The following TMEM182 variants were observed in gnomAD, a reference collection of about 807,000 sequenced individuals.
TMEM182 encodes transmembrane protein 182.
A neutral mutation model predicts 26.8 loss-of-function variants in TMEM182; 20 were observed. The observed-to-expected ratio is 0.75, with a 90% CI of 0.53 to 1.09. TMEM182 has a LOEUF of 1.09. Ranked by LOEUF, TMEM182 falls within the 50% of genes least tolerant of loss-of-function variation. The probability of loss-of-function intolerance (pLI) is 0.00; values close to 1 mark genes in which losing one functional copy is unlikely to be tolerated. For synonymous variants in TMEM182, 109 were observed against 102.2 expected (o/e 1.07, Z -0.40); for missense variants, 277 against 275.5 (o/e 1.01, Z -0.04).
At chr2:102,842,229 A>G (rs1245184235) in intron 3 of TMEM182, among the ~76,000 whole-genome samples, 2 of 152,046 alleles carry the variant, frequency 1.3e-5, no homozygotes, top group Non-Finnish European at 2.9e-5. Context: ...ATGCAGAATT[A>G]TTATCTGTAT....
At chr2:102,797,732 G>A (rs924200594) in intron 3 of TMEM182, 131 bp from the exon 4 acceptor site, 3 of 1,101,394 alleles carry the variant, frequency 2.7e-6, no homozygotes, top group South Asian at 1.7e-5. Flanking sequence ...CCCATCCCTG[G>A]CATTCTATCT....
chr2:102,764,400 A>C lies in TMEM182; in HGVS notation c.304A>C (p.Asn102His). Residue 102 changes from asparagine (N) to histidine (H), a missense_variant, in exon 3 of 5, where the codon AAC becomes CAC. Physicochemically the swap from Asn to His is moderately conservative, Grantham distance 68. Transcript: ENST00000412401. ...SPYPFMRGEH[N>H]STSYDSAVIY... ...GTACCCCTTCATGAGAGGCGAGCAC[A>C]ACTCGACCTCCTATGACTCTGCAGT... 3 of 1,613,904 alleles carry C rather than the reference A, an allele frequency of 1.9e-6. No homozygotes were observed. The highest frequency in any genetic ancestry group is 1.7e-5 in the Admixed American group (1 of 59,998).
chr2:102,822,017 A>G (rs1219144799), downstream of TMEM182, among the ~76,000 whole-genome samples: 3 of 151,904 alleles, frequency 2.0e-5, no homozygotes, highest in Non-Finnish European at 1.5e-5. Flanking sequence ...AACACTTAAG[A>G]TAAATGTTTA....
intron 3 of TMEM182, among the ~76,000 whole-genome samples, chr2:102,774,859 T>C (rs1272257770): frequency 1.3e-5 from 2 of 152,226 alleles, no homozygotes; most frequent in African/African-American, 4.8e-5. Context: ...ATTATTTATC[T>C]ATCTAGTAAA....
Position 102,762,042 on chromosome 2 carries a change from TG to T in TMEM182, c.-172del, listed in dbSNP as rs1680231147. ...AGCAAAGGGAATATGAATCTGCCGG[TG>T]GGGCGTGAGCGAGAAGCCACCAAAA... On this transcript the variant is annotated 5_prime_UTR_variant, in exon 1 of 5. Transcript: ENST00000412401. The T allele has an allele frequency of 3.8e-6, 2 of 531,144 alleles. No individual in the cohort carries two copies. Among genetic ancestry groups the T allele is most frequent in the Admixed American group, 3.3e-5 (1 of 29,870 alleles). The allele number at this position is 531,144 out of a possible 1,614,324, so 32.9% of individuals were successfully genotyped here.
chr2:102,752,090 C>A (rs1173610427), intron 1 of TMEM182, among the ~76,000 whole-genome samples: 1 of 152,156 alleles, frequency 6.6e-6, no homozygotes, highest in Middle Eastern at 3.2e-3. Context: ...GGGCAACATA[C>A]GAATTTTAGA....
rs1324437143 is a variant in TMEM182, at chr2:102,815,081, C to T, written c.*113C>T. 6.8e-7 allele frequency: 1 copy of T among 1,460,318 alleles called. No homozygotes were observed. The highest frequency in any genetic ancestry group is 1.5e-5 in the South Asian group (1 of 67,426). The allele number at this position is 1,460,318 out of a possible 1,614,324, so 90.5% of individuals were successfully genotyped here. On this transcript the variant is annotated 3_prime_UTR_variant, in exon 5 of 5. Transcript: ENST00000412401. ...GTTAGTAGATATAACTTTTTAGTTG[C>T]TATTCAAATTAATCATTTTACTAAA...
Position 102,816,548 on chromosome 2 carries a change from A to AT in TMEM182, c.*1580_*1581insT. The AT allele has an allele frequency of 1.0e-6, 1 of 973,764 alleles. No homozygotes were observed. Among genetic ancestry groups the AT allele is most frequent in the Non-Finnish European group, 1.2e-6 (1 of 820,742 alleles). The allele number at this position is 973,764 out of a possible 1,614,324, so 60.3% of individuals were successfully genotyped here. A position where few individuals can be genotyped will look rare whatever the true frequency, so the allele number is the denominator to read the frequency against. On this transcript the variant is annotated 3_prime_UTR_variant, in exon 5 of 5. Coordinates refer to ENST00000412401, the MANE Select transcript of TMEM182 (RefSeq NM_144632.5). ...AATAATAATAATAATAATAATAATA[A>AT]AGCTCCAGAGGCCTAACTGGTTTCT...
In TMEM182 at chr2:102,782,574, A is replaced by G. The variant is rs149070197; in HGVS notation, c.332-15289A>G. On this transcript the variant is annotated intron_variant, in intron 3 of 4. Transcript: ENST00000412401. ...CACTACCTCATAGTAGTACATCAGG[A>G]CTACTTGAAAGCCAAGGATTTCATC... Among the ~76,000 whole-genome samples the G allele has an allele frequency of 3.5e-3, 526 of 152,228 alleles. 5 individuals carry two copies. The highest frequency in any genetic ancestry group is 0.012 in the African/African-American group (498 of 41,550).
At chr2:102,775,478 A>C (rs1329738617) in intron 3 of TMEM182, 18 of 152,290 alleles carry the variant, frequency 1.2e-4, no homozygotes, top group South Asian at 4.1e-4. Flanking sequence ...AAAACTGGCA[A>C]AAGACAGGGA....
intron 3 of TMEM182, among the ~76,000 whole-genome samples, chr2:102,765,758 G>GTGCT (rs1362904041): frequency 6.6e-6 from 1 of 152,064 alleles, no homozygotes; most frequent in African/African-American, 2.4e-5. Flanking sequence ...ACCCACAGCT[G>GTGCT]TGCTTGTCCA....
upstream of TMEM182, among the ~76,000 whole-genome samples, chr2:102,759,163 T>C (rs1481254778): frequency 6.6e-6 from 1 of 152,208 alleles, no homozygotes; most frequent in African/African-American, 2.4e-5. Flanking sequence ...TACTTTTATA[T>C]ATGCATGTGT....
intron 4 of TMEM182, among the ~76,000 whole-genome samples, chr2:102,799,786 G>C (rs755228735): frequency 1.3e-5 from 2 of 152,192 alleles, no homozygotes; most frequent in Non-Finnish European, 2.9e-5. Flanking sequence ...TGGAGGGAGA[G>C]TTAGAGTAAT....
At chr2:102,824,837 A>G (rs1009989915) in intron 3 of TMEM182, among the ~76,000 whole-genome samples, 2 of 152,028 alleles carry the variant, frequency 1.3e-5, no homozygotes, top group Non-Finnish European at 2.9e-5. Flanking sequence ...AAACAAAACA[A>G]AACAAAAAAA....
intron 3 of TMEM182, among the ~76,000 whole-genome samples, chr2:102,784,373 A>G (rs1433793109): frequency 6.7e-6 from 1 of 149,674 alleles, no homozygotes; most frequent in Non-Finnish European, 1.5e-5. Context: ...TTTTTGGTCT[A>G]TTTTTCTTAC....
Position 102,815,454 on chromosome 2 carries a change from A to G in TMEM182, c.*486A>G, listed in dbSNP as rs1293679455. On this transcript the variant is annotated 3_prime_UTR_variant, in exon 5 of 5. Coordinates refer to ENST00000412401, the MANE Select transcript of TMEM182 (RefSeq NM_144632.5). ...CACATTCACTGGCTCTTGTGAGCAAATGAATTTAAAAATAGACAGCAGTTG... is the reference window on the plus strand; with the variant it reads ...CACATTCACTGGCTCTTGTGAGCAAGTGAATTTAAAAATAGACAGCAGTTG... 1 of 988,092 alleles carries G rather than the reference A, an allele frequency of 1.0e-6. No individual in the cohort carries two copies. Among genetic ancestry groups the G allele is most frequent in the African/African-American group, 1.7e-5 (1 of 57,256 alleles). The allele number at this position is 988,092 out of a possible 1,614,324, so 61.2% of individuals were successfully genotyped here. A position where few individuals can be genotyped will look rare whatever the true frequency, so the allele number is the denominator to read the frequency against.
rs1485721745 is a variant in TMEM182 at position 102,815,967 on chromosome 2, T to C, written c.*999T>C. 2.0e-6 allele frequency: 2 copies of C among 984,730 alleles called. No homozygotes were observed. Among genetic ancestry groups the C allele is most frequent in the Non-Finnish European group, 2.4e-6 (2 of 829,382 alleles). 61.0% of individuals were successfully genotyped at this position (984,730 alleles called of 1,614,324 possible). Reference sequence around the variant, plus strand: ...CCCAAGATGTTATGGGTTCCAGTTCTTCTGATCATTTGATTCCTTTAATTA... The same window carrying C: ...CCCAAGATGTTATGGGTTCCAGTTCCTCTGATCATTTGATTCCTTTAATTA... On this transcript the variant is annotated 3_prime_UTR_variant, in exon 5 of 5. Transcript: ENST00000412401.
At chr2:102,777,838 G>A (rs1167805160) in intron 3 of TMEM182, among the ~76,000 whole-genome samples, 1 of 141,656 alleles carries the variant, frequency 7.1e-6, no homozygotes, top group Non-Finnish European at 1.5e-5. Context: ...TTCTGTCATT[G>A]ATTTCTAGTT....
rs1238357330 is a variant in TMEM182, at chr2:102,841,251, A to AC, written c.326-2159dup. On this transcript the variant is annotated intron_variant, in intron 3 of 3. Coordinates refer to the TMEM182 transcript ENST00000486293. ...GGACTCCGGCCCAACTCCGAGGGGCACCAGGGTCTGGGTATTAATCGTGTG... is the reference window on the plus strand; with the variant it reads ...GGACTCCGGCCCAACTCCGAGGGGCACCCAGGGTCTGGGTATTAATCGTGTG... Among the ~76,000 whole-genome samples the AC allele has an allele frequency of 2.0e-5, 3 of 152,150 alleles. No individual in the cohort carries two copies. The East Asian group carries it at 5.8e-4, about 29-fold the overall frequency.
Sources: allele counts gnomAD v4.1 joint callset (sites outside exome capture counted in the v4.1 genomes callset), GRCh38; gene constraint gnomAD v4.1.1; transcripts MANE v1.5; gene names NCBI Gene and HGNC (gene_info 2026-07-23, HGNC 2026-07-21).